NPHS1: variants seen among roughly 807,000 people sequenced by gnomAD.
The protein encoded by NPHS1 is NPHS1 adhesion molecule, nephrin.
NPHS1 carries 107 observed loss-of-function variants against 139.7 expected under a neutral mutation model. The observed-to-expected ratio is 0.77, with a 90% CI of 0.66 to 0.90. The LOEUF (loss-of-function observed/expected upper bound fraction) is 0.90, where lower values mean the gene tolerates loss of function less well. NPHS1 is among the 40% of genes least tolerant of loss of function. The pLI, the probability that NPHS1 is intolerant of heterozygous loss-of-function variation, is 0.00. For missense variants in NPHS1, 1,580 were observed against 1,654.2 expected (o/e 0.96, Z 0.78); for synonymous variants, 707 against 706.6 (o/e 1.00, Z -0.01).
intron 23 of NPHS1, among the ~76,000 whole-genome samples, chr19:35,834,973 A>G (rs1276336709): frequency 6.6e-6 from 1 of 151,866 alleles, no homozygotes; most frequent in East Asian, 1.9e-4. Flanking sequence ...TGAGGCAGGC[A>G]GATCACTTGA....
At chr19:35,829,284 A>C (rs73928324) in intron 28 of NPHS1, among the ~76,000 whole-genome samples, 1,537 of 152,340 alleles carry the variant, frequency 0.01, 22 homozygotes, top group African/African-American at 0.035. Context: ...ATTAAGTGTC[A>C]GCATTGGGCA....
intron 11 of NPHS1, among the ~76,000 whole-genome samples, chr19:35,846,888 T>G (rs1973150667): frequency 6.6e-6 from 1 of 152,192 alleles, no homozygotes; most frequent in Admixed American, 6.5e-5. Context: ...TTCAACTAGC[T>G]CCCTAATTCC....
intron 20 of NPHS1, among the ~76,000 whole-genome samples, chr19:35,841,372 T>TCAA (rs150955536): frequency 0.01 from 1,586 of 151,396 alleles, 16 homozygotes; most frequent in East Asian, 0.063. Flanking sequence ...AATCTCCATT[T>TCAA]CAACAACAAC....
rs534134186 is a variant in NPHS1 at position 35,839,285 on chromosome 19, C to A, written c.3061G>T (p.Asp1021Tyr). The A allele has an allele frequency of 3.1e-6, 5 of 1,614,196 alleles. No individual in the cohort carries two copies. In the South Asian group the frequency reaches 5.5e-5, roughly 18 times the overall value. ...VWLLASNALG[D>Y]SGLADKGTQL... ...GTCCCTTTGTCAGCCAGTCCACTGT[C>A]CCCCAAGGCATTACTGGCCAGCAGC... The change falls in exon 22 of 29, where the codon GAC (aspartate) becomes TAC (tyrosine). Residue 1021 changes from aspartate to tyrosine, a missense_variant. By Grantham distance (160) the Asp-to-Tyr change is radical. Coordinates refer to ENST00000378910, the MANE Select transcript of NPHS1 (RefSeq NM_004646.4).
At chr19:35,847,325 G>A (rs1257082318) in intron 11 of NPHS1, among the ~76,000 whole-genome samples, 4 of 142,454 alleles carry the variant, frequency 2.8e-5, no homozygotes, top group Non-Finnish European at 4.5e-5. Context: ...GATTACAGGC[G>A]TGAGCCACTG....
At chr19:35,830,336 C>T (rs1030834425) in intron 28 of NPHS1, among the ~76,000 whole-genome samples, 3 of 152,266 alleles carry the variant, frequency 2.0e-5, no homozygotes, top group African/African-American at 7.2e-5. Flanking sequence ...GTTGAACCCC[C>T]AGTGAACTGG....
intron 1 of NPHS1, 32 bp downstream of exon 1, chr19:35,851,748 G>T (rs1299903198): frequency 6.4e-7 from 1 of 1,557,190 alleles, no homozygotes; most frequent in Non-Finnish European, 8.7e-7. Flanking sequence ...GGGGCCACTT[G>T]GCGCTGGGTA....
At chr19:35,830,780 A>G in intron 28 of NPHS1, 64 bp downstream of exon 28, 1 of 1,011,182 alleles carries the variant, frequency 9.9e-7, no homozygotes, top group Non-Finnish European at 1.6e-6. Context: ...AACTAATACA[A>G]GCAATAGGAG....
In NPHS1 at chr19:35,845,592, G is replaced by A. The variant is rs780276476; in HGVS notation, c.1758-52C>T. On this transcript the variant is annotated intron_variant, in intron 13 of 28. Coordinates refer to ENST00000378910, the MANE Select transcript of NPHS1 (RefSeq NM_004646.4). The surrounding 1 kb of genome is among the most constrained non-coding windows in gnomAD (Gnocchi z 5.5). The stretch of plus-strand genomic sequence containing the variant: ...TGCGAGCGGAGCCAGAGGCTGGAGA[G>A]GCACTAGGCGGGGGCGGGACATGCG... 4 of 1,606,848 alleles carry A rather than the reference G, an allele frequency of 2.5e-6. No homozygotes were observed. The highest frequency in any genetic ancestry group is 2.6e-6 in the Non-Finnish European group (3 of 1,176,356).
chr19:35,834,710 T>C (rs573779748), intron 23 of NPHS1, among the ~76,000 whole-genome samples: 5 of 150,544 alleles, frequency 3.3e-5, no homozygotes, highest in African/African-American at 9.8e-5. Context: ...GCTAACGCGG[T>C]GAAACCTCAT....
intron 17 of NPHS1, 138 bp from the exon 18 acceptor site, chr19:35,842,688 G>C (rs1973079513): frequency 1.2e-6 from 1 of 825,868 alleles, no homozygotes; most frequent in Admixed American, 2.1e-5. Context: ...AAATTCTCCT[G>C]TCATCCATCT....
intron 28 of NPHS1, 97 bp from the exon 29 acceptor site, chr19:35,826,742 A>T: frequency 7.1e-7 from 1 of 1,401,426 alleles, no homozygotes; most frequent in Non-Finnish European, 1.0e-6. Context: ...ACTTCCCAGA[A>T]AAAAGTGTTT....
Position 35,830,740 on chromosome 19 carries a change from G to A in NPHS1, c.3594+104C>T, listed in dbSNP as rs79919489. The A allele has an allele frequency of 2.0e-3, 1,646 of 804,584 alleles. 20 individuals are homozygous for A. The African/African-American group carries it at 0.026, about 13-fold the overall frequency. 49.8% of individuals were successfully genotyped at this position (804,584 alleles called of 1,614,324 possible). On this transcript the variant is annotated intron_variant, in intron 28 of 28. Transcript: ENST00000378910. ...CTTTAAGCCACTGGATCATGGTCAG[G>A]CCTCTTTGTTACAGCAGCTAGCTGG...
Position 35,841,783 on chromosome 19 carries a change from G to T in NPHS1, c.2747C>A (p.Ala916Asp). The T allele has an allele frequency of 6.2e-7, 1 of 1,614,166 alleles. No homozygotes were observed. Among genetic ancestry groups the T allele is most frequent in the Non-Finnish European group, 8.5e-7 (1 of 1,180,040 alleles). The change falls in exon 20 of 29, where the codon GCC (alanine) becomes GAC (aspartate). Residue 916 changes from alanine to aspartate, a missense_variant. Ala to Asp is a moderately radical substitution (Grantham distance 126). Transcript: ENST00000378910. ...GTTGGTGGCTGTACATGTGAAGAGG[G>T]CGTAATCCTGGGCGGCAGACACGTT... ...IANVSAAQDY[A>D]LFTCTATNAL...
rs766598867 is a variant in NPHS1, at chr19:35,835,731, T to C, written c.3140A>G (p.Asp1047Gly). 35 of 1,613,542 alleles carry C rather than the reference T, an allele frequency of 2.2e-5. No homozygotes were observed. The highest frequency in any genetic ancestry group is 1.6e-4 in the Middle Eastern group (1 of 6,084). The change falls in exon 23 of 29, where the codon GAC (aspartate) becomes GGC (glycine). Residue 1047 changes from aspartate to glycine, a missense_variant. Coordinates refer to ENST00000378910, the MANE Select transcript of NPHS1 (RefSeq NM_004646.4). ...TGAAGGTGGCTCTGTGGGCAGCTGG[T>C]CTTCAGGTTCTCCAGAAGGCTGGTG... ...GLHQPSGEPE[D>G]QLPTEPPSGP...
At chr19:35,837,746 G>C (rs1972988286) in intron 22 of NPHS1, among the ~76,000 whole-genome samples, 1 of 151,950 alleles carries the variant, frequency 6.6e-6, no homozygotes, top group African/African-American at 2.4e-5. Context: ...GGGATTACAG[G>C]CATGTGCCAC....
At position 35,825,834 on chromosome 19, in the gene NPHS1, G is replaced by A. The variant is rs568742374; in HGVS notation, c.*680C>T. On this transcript the variant is annotated 3_prime_UTR_variant, in exon 29 of 29. Coordinates refer to ENST00000378910, the MANE Select transcript of NPHS1 (RefSeq NM_004646.4). The stretch of plus-strand genomic sequence containing the variant: ...CCACTTATTATTAGCTATTTCAGAC[G>A]TCATGGAATGCAAAATGAACAGAGT... 7 of 152,384 alleles carry A rather than the reference G, an allele frequency of 4.6e-5. No homozygotes were observed. In the East Asian group the frequency reaches 9.6e-4, roughly 21 times the overall value. 9.4% of individuals were successfully genotyped at this position (152,384 alleles called of 1,614,324 possible). A position where few individuals can be genotyped will look rare whatever the true frequency, so the allele number is the denominator to read the frequency against.
At position 35,826,510 on chromosome 19, in the gene NPHS1, G is replaced by T. The variant is rs1310154596; in HGVS notation, c.*4C>A. On this transcript the variant is annotated 3_prime_UTR_variant, in exon 29 of 29. Transcript: ENST00000378910. ...GGTGCAGGACAATGGGGTTGAGAGG[G>T]CTCTTACACCAGATGTCCCCTCAGC... 1.2e-6 allele frequency: 2 copies of T among 1,613,432 alleles called. No individual in the cohort carries two copies. Among genetic ancestry groups the T allele is most frequent in the Non-Finnish European group, 8.5e-7 (1 of 1,179,962 alleles).
At position 35,849,314 on chromosome 19, in the gene NPHS1, G is replaced by C; in HGVS notation, c.762C>G (p.His254Gln). 6.2e-7 allele frequency: 1 copy of C among 1,612,892 alleles called. No individual in the cohort carries two copies. The highest frequency in any genetic ancestry group is 8.5e-7 in the Non-Finnish European group (1 of 1,179,982). Reference protein sequence around the residue: ...VIEWPGLDEGHVRAGQSLELP... With the variant: ...VIEWPGLDEGQVRAGQSLELP... ...GCTCCAAGCTCTGTCCTGCCCGCACGTGCCCCTCATCCAGGCCTGGCCACT... is the reference window on the plus strand; with the variant it reads ...GCTCCAAGCTCTGTCCTGCCCGCACCTGCCCCTCATCCAGGCCTGGCCACT... The change falls in exon 7 of 29, where the codon CAC becomes CAG. Residue 254 changes from histidine to glutamine, a missense_variant. His to Gln is a conservative substitution (Grantham distance 24). Coordinates refer to ENST00000378910, the MANE Select transcript of NPHS1 (RefSeq NM_004646.4).
Sources: gnomAD v4.1 joint callset for allele counts (sites outside exome capture counted in the v4.1 genomes callset) on GRCh38, gnomAD v4.1.1 for gene constraint, Gnocchi (gnomAD v3.1) non-coding constraint, MANE v1.5 for transcripts, NCBI Gene and HGNC (gene_info 2026-07-23, HGNC 2026-07-21) for gene names.